The following DPYD variants were observed in gnomAD, a reference collection of about 807,000 sequenced individuals.
DPYD encodes the protein dihydropyrimidine dehydrogenase [NADP(+)].
In DPYD, 109 loss-of-function variants were observed where a neutral mutation model predicts 116.2. That is an observed-to-expected ratio of 0.94 (90% CI 0.80 to 1.10). The LOEUF is 1.10. DPYD is among the 50% of genes least tolerant of loss of function. The pLI, the probability that DPYD is intolerant of heterozygous loss-of-function variation, is 0.00. For synonymous variants in DPYD, 440 were observed against 432.0 expected (o/e 1.02, Z -0.23); for missense variants, 1,302 against 1,254.5 (o/e 1.04, Z -0.57).
At chr1:97,079,625 T>C (rs1295974166) in intron 22 of DPYD, among the ~76,000 whole-genome samples, 1 of 152,166 alleles carries the variant, frequency 6.6e-6, no homozygotes, top group Non-Finnish European at 1.5e-5. Context: ...ATGTAGTTTT[T>C]AGAAGAAAGC....
intron 1 of DPYD, among the ~76,000 whole-genome samples, chr1:97,905,364 A>T (rs778689707): frequency 6.6e-6 from 1 of 152,008 alleles, no homozygotes; most frequent in Non-Finnish European, 1.5e-5. Flanking sequence ...CATCATTATC[A>T]TTATAAAGTA....
At chr1:97,429,742 G>A (rs1333134652) in intron 14 of DPYD, among the ~76,000 whole-genome samples, 3 of 152,008 alleles carry the variant, frequency 2.0e-5, no homozygotes, top group Non-Finnish European at 4.4e-5. Flanking sequence ...AACGAATTTA[G>A]TCATCATTAA....
intron 16 of DPYD, among the ~76,000 whole-genome samples, chr1:97,340,512 A>C (rs919062136): frequency 6.6e-6 from 1 of 151,924 alleles, no homozygotes; most frequent in African/African-American, 2.4e-5. Context: ...TCCACAAAAA[A>C]AGTAAGAATA....
intron 14 of DPYD, among the ~76,000 whole-genome samples, chr1:97,391,059 T>C (rs1672671181): frequency 6.6e-6 from 1 of 151,324 alleles, no homozygotes; most frequent in African/African-American, 2.4e-5. Flanking sequence ...TTTTTTTTTT[T>C]TTTTTTGGTG....
chr1:97,814,090 AT>A (rs907639192), intron 3 of DPYD, among the ~76,000 whole-genome samples: 24 of 152,228 alleles, frequency 1.6e-4, no homozygotes, highest in African/African-American at 5.5e-4. Flanking sequence ...CCTAACCTTT[AT>A]TGATCTCTTT....
At chr1:97,290,631 A>T (rs1278654065) in intron 18 of DPYD, among the ~76,000 whole-genome samples, 1 of 152,216 alleles carries the variant, frequency 6.6e-6, no homozygotes, top group African/African-American at 2.4e-5. Flanking sequence ...CTGGCTAGCC[A>T]TATGTAGAAA....
At chr1:97,232,913 T>C (rs1212285376) in intron 19 of DPYD, among the ~76,000 whole-genome samples, 1 of 152,226 alleles carries the variant, frequency 6.6e-6, no homozygotes. Context: ...CTATCAATTC[T>C]TTTTTATGAT....
chr1:97,756,938 G>A (rs1665281211), intron 3 of DPYD, among the ~76,000 whole-genome samples: 1 of 152,102 alleles, frequency 6.6e-6, no homozygotes, highest in Non-Finnish European at 1.5e-5. Flanking sequence ...TCAAGACACA[G>A]CATTAGGTGT....
intron 18 of DPYD, among the ~76,000 whole-genome samples, chr1:97,240,196 C>T (rs1162224076): frequency 1.3e-5 from 2 of 150,838 alleles, no homozygotes; most frequent in Middle Eastern, 3.4e-3. Flanking sequence ...ACTTTGACCC[C>T]AAAGGAAAAA....
At chr1:97,091,882 T>C (rs1345552043) in intron 21 of DPYD, among the ~76,000 whole-genome samples, 1 of 152,190 alleles carries the variant, frequency 6.6e-6, no homozygotes, top group Non-Finnish European at 1.5e-5. Flanking sequence ...AAAGATCCTT[T>C]GCAAAAATAA....
At chr1:97,816,743 T>C (rs752911314) in intron 3 of DPYD, among the ~76,000 whole-genome samples, 19 of 152,172 alleles carry the variant, frequency 1.2e-4, no homozygotes, top group Admixed American at 2.0e-4. Flanking sequence ...TGTTGCATAT[T>C]GGTGATTTCA....
chr1:97,767,429 G>A (rs1665922958), intron 3 of DPYD, among the ~76,000 whole-genome samples: 1 of 152,120 alleles, frequency 6.6e-6, no homozygotes, highest in South Asian at 2.1e-4. Flanking sequence ...CTTTGACCAA[G>A]AGAATGTGGC....
chr1:97,375,461 T>C (rs1671560037), intron 15 of DPYD, among the ~76,000 whole-genome samples: 1 of 152,218 alleles, frequency 6.6e-6, no homozygotes, highest in Admixed American at 6.5e-5. Flanking sequence ...TTAAAGTCCA[T>C]TTGATCATTG....
chr1:97,912,513 G>A (rs146522979), intron 1 of DPYD, among the ~76,000 whole-genome samples: 240 of 152,136 alleles, frequency 1.6e-3, no homozygotes, highest in African/African-American at 5.4e-3. Flanking sequence ...AGATTACCTC[G>A]TGCACAGGAA....
chr1:97,690,082 C>G (rs984682360), intron 7 of DPYD, among the ~76,000 whole-genome samples: 1 of 152,028 alleles, frequency 6.6e-6, no homozygotes, highest in Non-Finnish European at 1.5e-5. Flanking sequence ...GCAATCTGTT[C>G]TATCAGATTC....
intron 3 of DPYD, among the ~76,000 whole-genome samples, chr1:97,766,587 C>G (rs1665868587): frequency 6.6e-6 from 1 of 152,132 alleles, no homozygotes; most frequent in South Asian, 2.1e-4. Flanking sequence ...GTTAACACCT[C>G]TGAAAGAATT....
chr1:97,716,223 A>G, intron 5 of DPYD, among the ~76,000 whole-genome samples: 1 of 152,074 alleles, frequency 6.6e-6, no homozygotes, highest in East Asian at 1.9e-4. Context: ...AAATATAGAA[A>G]TAAATGTTTA....
intron 14 of DPYD, among the ~76,000 whole-genome samples, chr1:97,430,701 C>T (rs940712277): frequency 1.3e-4 from 20 of 152,062 alleles, no homozygotes; most frequent in African/African-American, 4.1e-4. Context: ...AGGAACACTG[C>T]GAGACTGCTG....
At chr1:97,676,842 C>T (rs1660170293) in intron 8 of DPYD, among the ~76,000 whole-genome samples, 1 of 152,112 alleles carries the variant, frequency 6.6e-6, no homozygotes, top group East Asian at 1.9e-4. Context: ...TGAAATTTTT[C>T]TCGTATATGT....
Sources: allele counts gnomAD v4.1 joint callset (sites outside exome capture counted in the v4.1 genomes callset), GRCh38; gene constraint gnomAD v4.1.1; transcripts MANE v1.5; gene names NCBI Gene and HGNC (gene_info 2026-07-23, HGNC 2026-07-21).